Variants in SLC30A6 observed in about 807,000 individuals in gnomAD.
SLC30A6 encodes the protein solute carrier family 30 member 6, also known as zinc transporter 6.
Under a neutral mutation model 63.0 loss-of-function variants are expected in SLC30A6, and 55 were observed. The ratio of observed to expected loss-of-function variants is 0.87; its 90% confidence interval spans 0.70 to 1.09. SLC30A6 has a LOEUF of 1.09. Ranked by LOEUF, SLC30A6 falls within the 50% of genes least tolerant of loss-of-function variation. The pLI, the probability that SLC30A6 is intolerant of heterozygous loss-of-function variation, is 0.00. For synonymous variants in SLC30A6, 224 were observed against 186.1 expected (o/e 1.20, Z -1.66); for missense variants, 587 against 549.2 (o/e 1.07, Z -0.69).
intron 10 of SLC30A6, chr2:32,203,618 A>C (rs1312210054): frequency 2.5e-6 from 4 of 1,584,974 alleles, no homozygotes; most frequent in Non-Finnish European, 3.5e-6. Context: ...GCTTGGAAAG[A>C]ACTTAACAGA....
chr2:32,200,663 G>C (rs971403123), intron 10 of SLC30A6, among the ~76,000 whole-genome samples: 22 of 151,314 alleles, frequency 1.5e-4, no homozygotes, highest in Non-Finnish European at 2.7e-4. Context: ...CAGCATGCTC[G>C]TTAAGAGTCA....
intron 10 of SLC30A6, chr2:32,204,102 TA>T: frequency 2.3e-6 from 1 of 440,860 alleles, no homozygotes; most frequent in African/African-American, 2.0e-5. Context: ...ATGTGTCTGC[TA>T]TTTGCAAATA....
chr2:32,220,131 C>A, intron 13 of SLC30A6, 82 bp from the exon 14 acceptor site: 2 of 1,451,724 alleles, frequency 1.4e-6, no homozygotes, highest in Non-Finnish European at 9.2e-7. Flanking sequence ...CTTACCAAAT[C>A]ATAAATAAAA....
chr2:32,202,725 C>A (rs1684404626), intron 10 of SLC30A6: 2 of 690,424 alleles, frequency 2.9e-6, no homozygotes, highest in South Asian at 3.3e-5. Context: ...AGATATTATT[C>A]ATGAATTCTA....
intron 5 of SLC30A6, among the ~76,000 whole-genome samples, chr2:32,185,419 A>G: frequency 6.6e-6 from 1 of 152,254 alleles, no homozygotes; most frequent in East Asian, 1.9e-4. Flanking sequence ...AGGTTTAAAA[A>G]TGTATTTAAA....
intron 4 of SLC30A6, among the ~76,000 whole-genome samples, chr2:32,177,198 C>T (rs898661203): frequency 6.6e-6 from 1 of 152,158 alleles, no homozygotes; most frequent in Admixed American, 6.6e-5. Context: ...TTTTTTCTCG[C>T]GATAGATTTA....
At chr2:32,219,507 T>A (rs1685982484) in intron 13 of SLC30A6, among the ~76,000 whole-genome samples, 1 of 152,156 alleles carries the variant, frequency 6.6e-6, no homozygotes, top group South Asian at 2.1e-4. Flanking sequence ...CGATCTTGGC[T>A]CACTGCAACC....
chr2:32,200,454 T>C lies in SLC30A6; in HGVS notation c.665+2628T>C, dbSNP rs569909115. Among the ~76,000 whole-genome samples the C allele has an allele frequency of 2.6e-3, 401 of 151,776 alleles. 5 individuals carry two copies. Among genetic ancestry groups the C allele is most frequent in the African/African-American group, 9.0e-3 (372 of 41,358 alleles). On this transcript the variant is annotated intron_variant, in intron 10 of 13. Coordinates refer to ENST00000282587, the MANE Select transcript of SLC30A6 (RefSeq NM_017964.5). Reference sequence around the variant, plus strand: ...AAAGATTGAGAAATCGGATGGTTGCTGTGTCTGTGTAGAAAGAAGTAGACA... The same window carrying C: ...AAAGATTGAGAAATCGGATGGTTGCCGTGTCTGTGTAGAAAGAAGTAGACA...
At position 32,196,019 on chromosome 2, in the gene SLC30A6, T is replaced by TA. The variant is rs769441160; in HGVS notation, c.497-1316dup. On this transcript the variant is annotated intron_variant, in intron 8 of 13. Coordinates refer to ENST00000282587, the MANE Select transcript of SLC30A6 (RefSeq NM_017964.5). ...GGGAAACATAGCAAGACTCTGGCTT[T>TA]AAAAAAAAATGAAGGCTGGGTCTGG... is the stretch of plus-strand genomic sequence containing the variant. 1.1e-4 allele frequency among the ~76,000 whole-genome samples: 17 copies of TA among 150,804 alleles called. No individual in the cohort carries two copies. In the East Asian group the frequency reaches 2.9e-3, roughly 26 times the overall value.
chr2:32,192,357 G>T lies in SLC30A6; in HGVS notation c.306G>T (p.Leu102=). 1 of 1,613,944 alleles carries T rather than the reference G, an allele frequency of 6.2e-7. No individual in the cohort carries two copies. The highest frequency in any genetic ancestry group is 8.5e-7 in the Non-Finnish European group (1 of 1,179,926). ...TCAGGTTTGAAAGATTAGAAGTCCT[G>T]GCTGTATTTGCCTCCACAGTCTTGG... ...YSFGFERLEV[L]AVFASTVLAQ... The change falls in exon 6 of 14, where the codon CTG becomes CTT. Residue 102 remains leucine, a synonymous_variant. Coordinates refer to ENST00000282587, the MANE Select transcript of SLC30A6 (RefSeq NM_017964.5).
At chr2:32,175,804 C>T (rs552913140) in intron 4 of SLC30A6, among the ~76,000 whole-genome samples, 6 of 152,064 alleles carry the variant, frequency 3.9e-5, no homozygotes, top group East Asian at 1.9e-4. Context: ...GGTGAAACCC[C>T]GTCTCTACTA....
At chr2:32,189,931 A>G (rs139642617) in intron 5 of SLC30A6, among the ~76,000 whole-genome samples, 88 of 151,986 alleles carry the variant, frequency 5.8e-4, no homozygotes, top group Non-Finnish European at 9.7e-4. Flanking sequence ...AGGCCATTCT[A>G]TGGTATGCAG....
At chr2:32,216,673 G>GCATTTTTTTCATGCTTCTTGGCCA (rs1685739569) in intron 13 of SLC30A6, among the ~76,000 whole-genome samples, 1 of 151,956 alleles carries the variant, frequency 6.6e-6, no homozygotes, top group South Asian at 2.1e-4. Context: ...GTGATGATGA[G>GCATTTTTTTCATGCTTCTTGGCCA]CATTTTTTTC....
intron 11 of SLC30A6, among the ~76,000 whole-genome samples, chr2:32,206,378 G>A (rs865961961): frequency 3.3e-5 from 5 of 151,660 alleles, no homozygotes; most frequent in East Asian, 2.0e-4. Context: ...CCCGGGAGGC[G>A]GAGCTTGCAG....
chr2:32,203,907 A>G, intron 10 of SLC30A6: 1 of 880,462 alleles, frequency 1.1e-6, no homozygotes, highest in Non-Finnish European at 1.9e-6. Flanking sequence ...GACAGAGTCC[A>G]CAAGGGAGTC....
At chr2:32,185,217 T>C (rs1318001916) in intron 5 of SLC30A6, among the ~76,000 whole-genome samples, 1 of 152,080 alleles carries the variant, frequency 6.6e-6, no homozygotes, top group East Asian at 1.9e-4. Context: ...TTTAATTAGC[T>C]GCACATGGTG....
chr2:32,218,012 T>A (rs1273244428), intron 13 of SLC30A6, among the ~76,000 whole-genome samples: 1 of 152,066 alleles, frequency 6.6e-6, no homozygotes, highest in Non-Finnish European at 1.5e-5. Flanking sequence ...CCCAGCTAAT[T>A]TTTTTTATTT....
At chr2:32,203,028 C>T (rs1684429849) in intron 10 of SLC30A6, 2 of 1,206,906 alleles carry the variant, frequency 1.7e-6, no homozygotes, top group Admixed American at 1.7e-5. Context: ...CATGAATCCA[C>T]ACATAAAACA....
At chr2:32,206,515 C>T (rs577375185) in intron 11 of SLC30A6, among the ~76,000 whole-genome samples, 1 of 151,920 alleles carries the variant, frequency 6.6e-6, no homozygotes, top group East Asian at 1.9e-4. Context: ...TACCCTATGC[C>T]TTTTCCAAGA....
Sources: gnomAD v4.1 joint callset for allele counts (sites outside exome capture counted in the v4.1 genomes callset) on GRCh38, gnomAD v4.1.1 for gene constraint, MANE v1.5 for transcripts, NCBI Gene and HGNC (gene_info 2026-07-23, HGNC 2026-07-21) for gene names.